The following HS3ST4 variants were observed in gnomAD, a reference collection of about 807,000 sequenced individuals.
HS3ST4 encodes heparan sulfate glucosamine 3-O-sulfotransferase 4.
In HS3ST4, 17 loss-of-function variants were observed where a neutral mutation model predicts 29.2. That is an observed-to-expected ratio of 0.58 (90% CI 0.40 to 0.87). The LOEUF is 0.87. Ranked by LOEUF, HS3ST4 falls within the 40% of genes least tolerant of loss-of-function variation. The pLI is 0.00. For synonymous variants in HS3ST4, 314 were observed against 285.7 expected (o/e 1.10, Z -1.00); for missense variants, 627 against 634.5 (o/e 0.99, Z 0.13).
chr16:26,047,249 A>G (rs1400296909), intron 1 of HS3ST4, among the ~76,000 whole-genome samples: 1 of 152,210 alleles, frequency 6.6e-6, no homozygotes, highest in Non-Finnish European at 1.5e-5. Context: ...CTCATCTCTA[A>G]GCCCCTGTAG....
intron 1 of HS3ST4, among the ~76,000 whole-genome samples, chr16:25,871,329 T>G: frequency 6.6e-6 from 1 of 152,158 alleles, no homozygotes; most frequent in East Asian, 1.9e-4. Context: ...CTGCCCATCA[T>G]TATTCTTCTA....
At chr16:25,894,187 A>G (rs936781899) in intron 1 of HS3ST4, among the ~76,000 whole-genome samples, 5 of 152,064 alleles carry the variant, frequency 3.3e-5, no homozygotes, top group Non-Finnish European at 2.9e-5. Flanking sequence ...GAGTGCTTTG[A>G]ACTTCATCAG....
intron 1 of HS3ST4, among the ~76,000 whole-genome samples, chr16:25,706,545 C>A (rs1010336207): frequency 1.3e-5 from 2 of 152,094 alleles, no homozygotes; most frequent in African/African-American, 2.4e-5. Context: ...TCCCCACCCC[C>A]CGACAGGCCC....
chr16:25,969,877 G>A (rs1032781202), intron 1 of HS3ST4, among the ~76,000 whole-genome samples: 6 of 152,220 alleles, frequency 3.9e-5, no homozygotes, highest in Admixed American at 3.9e-4. Context: ...TTCAGTGTGA[G>A]CTCTGTTATG....
intron 1 of HS3ST4, among the ~76,000 whole-genome samples, chr16:25,961,772 T>C (rs1968794977): frequency 2.0e-5 from 3 of 152,152 alleles, no homozygotes; most frequent in Non-Finnish European, 2.9e-5. Flanking sequence ...TGGAACTTGT[T>C]CTGGTCACAC....
chr16:26,132,599 C>T (rs570055117), intron 1 of HS3ST4, among the ~76,000 whole-genome samples: 10 of 152,232 alleles, frequency 6.6e-5, no homozygotes, highest in Admixed American at 3.9e-4. Flanking sequence ...AGATAAAAGA[C>T]TCAAGATCCA....
chr16:25,863,943 C>T (rs536811107), intron 1 of HS3ST4, among the ~76,000 whole-genome samples: 22 of 152,334 alleles, frequency 1.4e-4, no homozygotes, highest in South Asian at 6.2e-4. Flanking sequence ...ATCAAGGTGT[C>T]GGCAGGTTTG....
chr16:25,910,949 C>T (rs1317737371), intron 1 of HS3ST4, among the ~76,000 whole-genome samples: 2 of 152,056 alleles, frequency 1.3e-5, no homozygotes, highest in Admixed American at 1.3e-4. Context: ...GTGTTCAGGC[C>T]CTGCCCAGTC....
intron 1 of HS3ST4, among the ~76,000 whole-genome samples, chr16:25,777,363 G>T (rs1214978529): frequency 6.6e-6 from 1 of 152,108 alleles, no homozygotes; most frequent in Non-Finnish European, 1.5e-5. Flanking sequence ...TGCTTTCTGT[G>T]TGTCCAAGAC....
intron 1 of HS3ST4, among the ~76,000 whole-genome samples, chr16:25,756,111 AACACACACACACACATACACAC>A (rs1966756028): frequency 1.4e-5 from 2 of 144,612 alleles, no homozygotes; most frequent in African/African-American, 5.2e-5. Flanking sequence ...GTGTTATAGA[AACACACACACACACATACACAC>A]ACACACACAC....
In HS3ST4 at chr16:25,792,720, A is replaced by AT. The variant is rs144903636; in HGVS notation, c.734+99578dup. ...GACCAGTTTTGTTAGGTGTTTATCA[A>AT]TTTTTTTTTAGGTGTTTATCAATTT... On this transcript the variant is annotated intron_variant, in intron 1 of 1. Coordinates refer to ENST00000331351, the MANE Select transcript of HS3ST4 (RefSeq NM_006040.3). 2.5e-3 allele frequency among the ~76,000 whole-genome samples: 373 copies of AT among 150,744 alleles called. 1 individual carries two copies. The highest frequency in any genetic ancestry group is 8.5e-3 in the African/African-American group (350 of 41,242).
chr16:25,721,144 G>A (rs992400396), intron 1 of HS3ST4, among the ~76,000 whole-genome samples: 4 of 152,194 alleles, frequency 2.6e-5, no homozygotes, highest in African/African-American at 4.8e-5. Context: ...TAGTAGTGAG[G>A]GAAGAGTGTT....
intron 1 of HS3ST4, among the ~76,000 whole-genome samples, chr16:25,776,713 A>G (rs1596567370): frequency 1.3e-5 from 2 of 152,222 alleles, no homozygotes; most frequent in Non-Finnish European, 2.9e-5. Context: ...AGATACACAC[A>G]CTCAACACAT....
intron 1 of HS3ST4, among the ~76,000 whole-genome samples, chr16:26,074,166 T>TGTGTATA (rs1454923782): frequency 3.3e-5 from 5 of 152,160 alleles, no homozygotes; most frequent in Admixed American, 2.6e-4. Context: ...CTCAGGACCC[T>TGTGTATA]CTGAGGGCAG....
chr16:25,905,942 C>T (rs532639266), intron 1 of HS3ST4, among the ~76,000 whole-genome samples: 1 of 152,226 alleles, frequency 6.6e-6, no homozygotes, highest in East Asian at 1.9e-4. Flanking sequence ...GTTATAAATC[C>T]CCAGAACATG....
At chr16:26,122,926 C>T (rs748398678) in intron 1 of HS3ST4, among the ~76,000 whole-genome samples, 3 of 151,896 alleles carry the variant, frequency 2.0e-5, no homozygotes, top group Non-Finnish European at 4.4e-5. Flanking sequence ...TGGTGGCGGG[C>T]GCTTGTAATT....
chr16:26,034,116 G>A (rs1482195417), intron 1 of HS3ST4, among the ~76,000 whole-genome samples: 1 of 152,106 alleles, frequency 6.6e-6, no homozygotes, highest in Non-Finnish European at 1.5e-5. Flanking sequence ...TTTTTCTCCA[G>A]GATCTTCCTG....
intron 1 of HS3ST4, among the ~76,000 whole-genome samples, chr16:26,092,635 G>A (rs1898870630): frequency 6.6e-6 from 1 of 152,200 alleles, no homozygotes; most frequent in Non-Finnish European, 1.5e-5. Flanking sequence ...CAAGATGGCT[G>A]AATAGGAACA....
chr16:25,980,287 C>G (rs62034469), intron 1 of HS3ST4, among the ~76,000 whole-genome samples: 8,436 of 152,282 alleles, frequency 0.055, 333 homozygotes, highest in Middle Eastern at 0.092. Context: ...AGCCCTCTTC[C>G]TGGGACACAC....
Sources: allele counts gnomAD v4.1 joint callset (sites outside exome capture counted in the v4.1 genomes callset), GRCh38; gene constraint gnomAD v4.1.1; transcripts MANE v1.5; gene names NCBI Gene and HGNC (gene_info 2026-07-23, HGNC 2026-07-21).